Variants in GCN1 observed in about 807,000 individuals in gnomAD.
The protein encoded by GCN1 is GCN1 activator of EIF2AK4.
GCN1 carries 90 observed loss-of-function variants against 288.4 expected under a neutral mutation model. That is an observed-to-expected ratio of 0.31 (90% confidence interval 0.26 to 0.37). GCN1 has a LOEUF of 0.37. GCN1 is among the 10% of genes least tolerant of loss of function. The pLI, the probability that GCN1 is intolerant of heterozygous loss-of-function variation, is 1.00. For missense variants in GCN1, 2,586 were observed against 3,419.9 expected (o/e 0.76, Z 6.08); for synonymous variants, 1,386 against 1,420.2 (o/e 0.98, Z 0.54).
Position 120,171,706 on chromosome 12 carries a change from A to G in GCN1, c.1367-1385T>C, listed in dbSNP as rs1878319611. 2.6e-5 allele frequency among the ~76,000 whole-genome samples: 4 copies of G among 152,334 alleles called. No individual in the cohort carries two copies. In the South Asian group the frequency reaches 8.3e-4, roughly 32 times the overall value. On this transcript the variant is annotated intron_variant, in intron 14 of 57. Coordinates refer to ENST00000300648, the MANE Select transcript of GCN1 (RefSeq NM_006836.2). ...TTTATTTTAAAAGCAATGAGCATTG[A>G]GTTCTGGCACTCTGCATTCCTTTTT...
intron 1 of GCN1, among the ~76,000 whole-genome samples, 167 bp downstream of exon 1, chr12:120,194,513 G>A (rs1472150021): frequency 6.6e-6 from 1 of 152,026 alleles, no homozygotes; most frequent in Non-Finnish European, 1.5e-5. Flanking sequence ...CCCGGGCCGG[G>A]CCAAGCCCGC....
intron 33 of GCN1, among the ~76,000 whole-genome samples, chr12:120,152,234 G>T (rs1877580522): frequency 6.6e-6 from 1 of 151,596 alleles, no homozygotes; most frequent in Non-Finnish European, 1.5e-5. Context: ...TCACTATGTT[G>T]CCCAGGCTGG....
Position 120,170,215 on chromosome 12 carries a change from G to C in GCN1, c.1473C>G (p.Ala491=). The change falls in exon 15 of 58, where the codon GCC becomes GCG. Residue 491 remains alanine, a synonymous_variant. Coordinates refer to ENST00000300648, the MANE Select transcript of GCN1 (RefSeq NM_006836.2). ...TQVPTITEGV[A]AALLLLKLSV... Reference sequence around the variant, plus strand: ...ACAACTTTAAGAGCAACAAGGCTGCGGCAACCCCTTCAGTGATGGTGGGAA... The same window carrying C: ...ACAACTTTAAGAGCAACAAGGCTGCCGCAACCCCTTCAGTGATGGTGGGAA... 1 of 1,614,078 alleles carries C rather than the reference G, an allele frequency of 6.2e-7. No individual in the cohort carries two copies. The highest frequency in any genetic ancestry group is 1.1e-5 in the South Asian group (1 of 91,082).
intron 46 of GCN1, 103 bp downstream of exon 46, chr12:120,138,592 G>A: frequency 8.2e-7 from 1 of 1,219,230 alleles, no homozygotes; most frequent in Non-Finnish European, 1.2e-6. Context: ...CCTCTGGAGG[G>A]CCCACATTGC....
At position 120,184,156 on chromosome 12, in the gene GCN1, G is replaced by C; in HGVS notation, c.273C>G (p.His91Gln). The C allele has an allele frequency of 6.2e-7, 1 of 1,613,932 alleles. No homozygotes were observed. The highest frequency in any genetic ancestry group is 8.5e-7 in the Non-Finnish European group (1 of 1,179,780). Residue 91 changes from histidine to glutamine, a missense_variant, in exon 4 of 58, where the codon CAC (histidine) becomes CAG (glutamine). Around this residue, in one of 8 missense-constraint regions of GCN1, gnomAD observed 913 missense variants for 1,107.0 expected, o/e 0.82. Transcript: ENST00000300648. ...QPEATAKNLL[H>Q]SLQSSGIGSK... is the part of the protein sequence containing the mutation. ...AGCCTATACCAGAAGACTGCAGAGAGTGTAGAAGGTTCTTAGCAGTGGCTT... is the reference window on the plus strand; with the variant it reads ...AGCCTATACCAGAAGACTGCAGAGACTGTAGAAGGTTCTTAGCAGTGGCTT...
rs760058421 is a variant in GCN1 at position 120,144,786 on chromosome 12, C to G, written c.5205G>C (p.Leu1735Phe). The G allele has an allele frequency of 1.2e-6, 2 of 1,614,064 alleles. No homozygotes were observed. The highest frequency in any genetic ancestry group is 2.7e-5 in the African/African-American group (2 of 74,934). The change falls in exon 41 of 58, where the codon TTG (leucine) becomes TTC (phenylalanine). Residue 1735 changes from leucine (L) to phenylalanine (F), a missense_variant. Leu to Phe is a conservative substitution (Grantham distance 22). Coordinates refer to ENST00000300648, the MANE Select transcript of GCN1 (RefSeq NM_006836.2). This position sits in a 1 kb window ranked among gnomAD's most constrained non-coding sequence, Gnocchi z 4.7. ...AGLGVEKLEK[L>F]MPEIVATASK... is the part of the protein sequence containing the mutation. Reference sequence around the variant, plus strand: ...TGGCTGTAGCCACGATTTCTGGCATCAACTTCTCCAACTTCTCCACCCCCA... The same window carrying G: ...TGGCTGTAGCCACGATTTCTGGCATGAACTTCTCCAACTTCTCCACCCCCA...
Position 120,144,400 on chromosome 12 carries a change from C to A in GCN1, c.5401G>T (p.Gly1801Cys). ...EFVRDTALRAGQRVISMYAET... is the reference protein window; with the variant it reads ...EFVRDTALRACQRVISMYAET... ...GCGTACATGGAGATAACCCGCTGGC[C>A]CGCGCGCAGGGCGGTGTCACGCACA... The change falls in exon 42 of 58, where the codon GGC becomes TGC. Residue 1801 changes from glycine (G) to cysteine (C), a missense_variant. Transcript: ENST00000300648. This position sits in a 1 kb window ranked among gnomAD's most constrained non-coding sequence, Gnocchi z 4.7. 1 of 1,614,218 alleles carries A rather than the reference C, an allele frequency of 6.2e-7. No homozygotes were observed. Among genetic ancestry groups the A allele is most frequent in the Non-Finnish European group, 8.5e-7 (1 of 1,180,026 alleles).
At chr12:120,139,267 G>A (rs1054450506) in intron 45 of GCN1, among the ~76,000 whole-genome samples, 2 of 151,974 alleles carry the variant, frequency 1.3e-5, no homozygotes, top group African/African-American at 2.4e-5. Context: ...AAGAGATGGT[G>A]CCCCTGTACT....
At position 120,149,640 on chromosome 12, in the gene GCN1, A is replaced by C; in HGVS notation, c.4512T>G (p.Ala1504=). Residue 1504 remains alanine (A), a synonymous_variant, in exon 36 of 58, where the codon GCT becomes GCG. Transcript: ENST00000300648. ...GVKLVLPSLL[A]ALEEESWRTK... ...TCCGCCACGATTCCTCCTCCAGGGC[A>C]GCCAGTAAGGAGGGGAGCACCAGCT... is the stretch of plus-strand genomic sequence containing the variant. 6.2e-7 allele frequency: 1 copy of C among 1,613,786 alleles called. No individual in the cohort carries two copies. Among genetic ancestry groups the C allele is most frequent in the African/African-American group, 1.3e-5 (1 of 75,014 alleles).
intron 31 of GCN1, among the ~76,000 whole-genome samples, chr12:120,154,630 G>A (rs950592972): frequency 6.6e-6 from 1 of 152,232 alleles, no homozygotes; most frequent in Non-Finnish European, 1.5e-5. Flanking sequence ...GGAGAAACAC[G>A]CTCACGGTCA....
chr12:120,180,953 C>T (rs1878637072), intron 5 of GCN1, among the ~76,000 whole-genome samples: 1 of 150,108 alleles, frequency 6.7e-6, no homozygotes, highest in African/African-American at 2.5e-5. Context: ...TTGCGCCTCA[C>T]TGCACTCCAG....
chr12:120,194,647 T>C (rs1200695230), intron 1 of GCN1, 33 bp downstream of exon 1: 3 of 1,512,768 alleles, frequency 2.0e-6, no homozygotes, highest in Non-Finnish European at 1.8e-6. Flanking sequence ...ACCCAGTCCC[T>C]GGCCGCGTTG....
intron 16 of GCN1, among the ~76,000 whole-genome samples, chr12:120,166,703 C>CAAAA (rs542271508): frequency 1.5e-5 from 1 of 68,198 alleles, no homozygotes; most frequent in Non-Finnish European, 3.0e-5. Context: ...GACTCTGTCT[C>CAAAA]AAAAAAAAAA....
In GCN1 at chr12:120,137,185, C is replaced by G; in HGVS notation, c.6777+21G>C. 7.6e-6 allele frequency: 12 copies of G among 1,569,066 alleles called. No individual in the cohort carries two copies. Among genetic ancestry groups the G allele is most frequent in the Non-Finnish European group, 1.1e-5 (12 of 1,139,370 alleles). ...CAACAGACTGCACGCCCACAGCCCC[C>G]TGCACGAGGCCCTGGCTTACCTTCT... On this transcript the variant is annotated intron_variant, in intron 50 of 57. Transcript: ENST00000300648. The surrounding 1 kb of genome is among the most constrained non-coding windows in gnomAD (Gnocchi z 5.2).
At chr12:120,157,469 T>C (rs1238920025) in intron 26 of GCN1, among the ~76,000 whole-genome samples, 2 of 152,106 alleles carry the variant, frequency 1.3e-5, no homozygotes, top group African/African-American at 2.4e-5. Context: ...GTAAGGGGCA[T>C]ATACATACAA....
chr12:120,175,549 C>A (rs1419315734), intron 11 of GCN1, among the ~76,000 whole-genome samples, 197 bp downstream of exon 11: 1 of 152,170 alleles, frequency 6.6e-6, no homozygotes, highest in African/African-American at 2.4e-5. Flanking sequence ...AACAAAAAAC[C>A]TGAGATCACC....
In GCN1 at chr12:120,136,608, G is replaced by A; in HGVS notation, c.6902C>T (p.Pro2301Leu). 6.2e-7 allele frequency: 1 copy of A among 1,614,156 alleles called. No individual in the cohort carries two copies. The highest frequency in any genetic ancestry group is 8.5e-7 in the Non-Finnish European group (1 of 1,180,028). ...IRLTSADALR[P>L]SVVSITGPLI... is the part of the protein sequence containing the mutation. ...AGGGCCAGTGATGCTGACCACGGAG[G>A]GCCTCAGGGCGTCAGCCGAGGTCAG... The change falls in exon 51 of 58, where the codon CCC becomes CTC. Residue 2301 changes from proline (P) to leucine (L), a missense_variant. Coordinates refer to ENST00000300648, the MANE Select transcript of GCN1 (RefSeq NM_006836.2).
Position 120,153,185 on chromosome 12 carries a change from T to G in GCN1, c.4062+28A>C. 6.3e-7 allele frequency: 1 copy of G among 1,599,862 alleles called. No homozygotes were observed. Among genetic ancestry groups the G allele is most frequent in the Non-Finnish European group, 8.6e-7 (1 of 1,167,696 alleles). ...CCGGGTCCCAATTCTCTAACCGACA[T>G]GTGGGTCCCAGGCCAGATGGCAGGT... On this transcript the variant is annotated intron_variant, in intron 33 of 57. Transcript: ENST00000300648. This position sits in a 1 kb window ranked among gnomAD's most constrained non-coding sequence, Gnocchi z 4.4.
intron 9 of GCN1, among the ~76,000 whole-genome samples, chr12:120,176,577 G>A (rs1878488291): frequency 6.6e-6 from 1 of 152,202 alleles, no homozygotes; most frequent in African/African-American, 2.4e-5. Context: ...GGAGGGGTAA[G>A]AGGATATTTT....
Sources: allele counts gnomAD v4.1 joint callset (sites outside exome capture counted in the v4.1 genomes callset), GRCh38; gene constraint gnomAD v4.1.1; regional missense constraint gnomAD v4.1.1; non-coding constraint Gnocchi (gnomAD v3.1); transcripts MANE v1.5; gene names NCBI Gene and HGNC (gene_info 2026-07-23, HGNC 2026-07-21).